The following DOK7 variants were observed in gnomAD, a reference collection of about 807,000 sequenced individuals.
DOK7 encodes the protein docking protein 7, also known as protein Dok-7.
In DOK7, 32 loss-of-function variants were observed where a neutral mutation model predicts 30.7. The observed-to-expected ratio is 1.04, with a 90% CI of 0.79 to 1.40. DOK7 has a LOEUF of 1.40. Among genes scored for constraint, DOK7 ranks in the 40% most tolerant of loss-of-function variants. The pLI is 0.00. For missense variants in DOK7, 1,007 were observed against 699.2 expected (o/e 1.44, Z -4.97); for synonymous variants, 447 against 324.1 (o/e 1.38, Z -4.07).
In DOK7 at chr4:3,479,932, G is replaced by T. The variant is rs1341127480; in HGVS notation, c.532+3390G>T. Among the ~76,000 whole-genome samples the T allele has an allele frequency of 3.3e-5, 5 of 152,370 alleles. No homozygotes were observed. In the East Asian group the frequency reaches 9.6e-4, roughly 29 times the overall value. On this transcript the variant is annotated intron_variant, in intron 4 of 6. Coordinates refer to ENST00000340083, the MANE Select transcript of DOK7 (RefSeq NM_173660.5). Reference sequence around the variant, plus strand: ...CGCACTTGGCACATGGCAGGCGACGGTCTGTGGACAGCTCAGGTCTGCAGG... The same window carrying T: ...CGCACTTGGCACATGGCAGGCGACGTTCTGTGGACAGCTCAGGTCTGCAGG...
At position 3,485,557 on chromosome 4, in the gene DOK7, T is replaced by C. The variant is rs1727718542; in HGVS notation, c.551T>C (p.Leu184Pro). 6.2e-7 allele frequency: 1 copy of C among 1,604,292 alleles called. No individual in the cohort carries two copies. Among genetic ancestry groups the C allele is most frequent in the East Asian group, 2.3e-5 (1 of 44,088 alleles). The change falls in exon 5 of 7, where the codon CTG (leucine) becomes CCG (proline). Residue 184 changes from leucine to proline, a missense_variant. Physicochemically the swap from Leu to Pro is moderately conservative, Grantham distance 98. Coordinates refer to ENST00000340083, the MANE Select transcript of DOK7 (RefSeq NM_173660.5). ...TCTGCAGGGGCTGGCGTCTTCTTCC[T>C]GTCCTCGGCCGAGGGGGAGCAGATC... ...RCGYWAGVFFLSSAEGEQISF... is the reference protein window; with the variant it reads ...RCGYWAGVFFPSSAEGEQISF...
At chr4:3,472,425 C>T (rs1726810931) in intron 2 of DOK7, among the ~76,000 whole-genome samples, 1 of 152,240 alleles carries the variant, frequency 6.6e-6, no homozygotes, top group African/African-American at 2.4e-5. Context: ...GTCCCAAAAC[C>T]TACACCCTCG....
Position 3,493,962 on chromosome 4 carries a change from G to T in DOK7, c.*461G>T. 1.0e-6 allele frequency: 1 copy of T among 998,492 alleles called. No individual in the cohort carries two copies. The highest frequency in any genetic ancestry group is 1.2e-6 in the Non-Finnish European group (1 of 839,718). The allele number at this position is 998,492 out of a possible 1,614,324, so 61.9% of individuals were successfully genotyped here. A position where few individuals can be genotyped will look rare whatever the true frequency, so the allele number is the denominator to read the frequency against. On this transcript the variant is annotated 3_prime_UTR_variant, in exon 7 of 7. Transcript: ENST00000340083. The stretch of plus-strand genomic sequence containing the variant: ...CTGTTAAGCATCAAGCTACCACAGA[G>T]GCTCCGGCCACCTGGGCTCCACCAG...
At chr4:3,480,983 G>C (rs1727410069) in intron 4 of DOK7, among the ~76,000 whole-genome samples, 1 of 152,156 alleles carries the variant, frequency 6.6e-6, no homozygotes, top group Non-Finnish European at 1.5e-5. Flanking sequence ...GGGTGAATAG[G>C]AGTTAGCTCA....
chr4:3,495,947 C>A (rs1161473829), downstream of DOK7, among the ~76,000 whole-genome samples: 1 of 152,196 alleles, frequency 6.6e-6, no homozygotes, highest in African/African-American at 2.4e-5. Flanking sequence ...TGACTGTCTG[C>A]CCTTGAGTCT....
At chr4:3,485,374 G>A (rs953815480) in intron 4 of DOK7, 165 bp from the exon 5 acceptor site, 28 of 947,282 alleles carry the variant, frequency 3.0e-5, no homozygotes, top group Non-Finnish European at 3.8e-5. Flanking sequence ...CCGGATTCAC[G>A]GGGCCAGGCG....
chr4:3,495,857 G>A (rs548017434), downstream of DOK7, among the ~76,000 whole-genome samples: 1 of 152,274 alleles, frequency 6.6e-6, no homozygotes, highest in East Asian at 1.9e-4. Flanking sequence ...CTCAGGGGGT[G>A]TCGGCCTGTT....
At chr4:3,468,759 T>TGA (rs1553845411) in intron 2 of DOK7, among the ~76,000 whole-genome samples, 1,508 of 145,430 alleles carry the variant, frequency 0.01, 23 homozygotes, top group African/African-American at 0.035. Flanking sequence ...TCTGTGTGCG[T>TGA]GTGTGTGTGC....
At chr4:3,479,554 G>T (rs529424108) in intron 4 of DOK7, among the ~76,000 whole-genome samples, 2 of 152,334 alleles carry the variant, frequency 1.3e-5, no homozygotes, top group Non-Finnish European at 2.9e-5. Context: ...CTTCCCCAGG[G>T]ACAGGTCCTA....
At chr4:3,473,724 G>A (rs544150053) in intron 3 of DOK7, 88 bp downstream of exon 3, 15 of 1,269,930 alleles carry the variant, frequency 1.2e-5, no homozygotes, top group South Asian at 4.4e-5. Flanking sequence ...AGGTGGGAGC[G>A]GCTCCAGGGA....
chr4:3,488,076 C>T (rs1286483265), intron 5 of DOK7, among the ~76,000 whole-genome samples: 2 of 152,254 alleles, frequency 1.3e-5, no homozygotes, highest in South Asian at 2.1e-4. Flanking sequence ...TGGCTGCCAT[C>T]GCCTTCCACC....
At chr4:3,470,193 G>T (rs62275885) in intron 2 of DOK7, among the ~76,000 whole-genome samples, 1 of 152,168 alleles carries the variant, frequency 6.6e-6, no homozygotes. Context: ...CCCTGCCTCC[G>T]TCCCCATTCA....
In DOK7 at chr4:3,468,907, GTGTGTGTA is replaced by G. The variant is rs1246147170; in HGVS notation, c.101-4488_101-4481del. Among the ~76,000 whole-genome samples, 8 of 107,788 alleles carry G rather than the reference GTGTGTGTA, an allele frequency of 7.4e-5. No individual in the cohort carries two copies. The South Asian group carries it at 1.4e-3, about 18-fold the overall frequency. The allele number at this position is 107,788 out of a possible 152,430, so 70.7% of individuals were successfully genotyped here. A position where few individuals can be genotyped will look rare whatever the true frequency, so the allele number is the denominator to read the frequency against. ...TGTGCCTGTGTATGTGTGCATGTCT[GTGTGTGTA>G]TGTGTGTATGAGTGTGCGTGCTTTT... On this transcript the variant is annotated intron_variant, in intron 2 of 6. Coordinates refer to ENST00000340083, the MANE Select transcript of DOK7 (RefSeq NM_173660.5).
intron 2 of DOK7, among the ~76,000 whole-genome samples, chr4:3,464,350 T>C (rs1180258604): frequency 2.0e-5 from 3 of 152,186 alleles, no homozygotes; most frequent in Non-Finnish European, 4.4e-5. Context: ...GCGTCCCCTC[T>C]GCAGGGCCTC....
chr4:3,495,216 G>A (rs1361224695), downstream of DOK7, among the ~76,000 whole-genome samples: 2 of 152,232 alleles, frequency 1.3e-5, no homozygotes, highest in African/African-American at 2.4e-5. Context: ...ATAGCTGCCC[G>A]TCACCATTAC....
intron 2 of DOK7, among the ~76,000 whole-genome samples, chr4:3,471,974 G>A (rs576385722): frequency 1.3e-5 from 2 of 152,314 alleles, no homozygotes; most frequent in Admixed American, 6.5e-5. Flanking sequence ...ATGCAGCTGC[G>A]CCCAAGGGTC....
At chr4:3,468,789 CATGT>C (rs973966591) in intron 2 of DOK7, among the ~76,000 whole-genome samples, 14 of 129,064 alleles carry the variant, frequency 1.1e-4, no homozygotes, top group Non-Finnish European at 1.3e-4. Context: ...TGCCTGTGAT[CATGT>C]ATGTCTGTGT....
At chr4:3,495,551 G>C (rs140431046), downstream of DOK7, among the ~76,000 whole-genome samples, 2 of 152,230 alleles carry the variant, frequency 1.3e-5, no homozygotes, top group African/African-American at 4.8e-5. Flanking sequence ...GCCTCGCTCC[G>C]GGCGTCTGAA....
At chr4:3,489,498 T>G (rs953709994) in intron 5 of DOK7, among the ~76,000 whole-genome samples, 179 bp from the exon 6 acceptor site, 4 of 151,958 alleles carry the variant, frequency 2.6e-5, no homozygotes, top group Non-Finnish European at 5.9e-5. Context: ...ATAGGGGTGG[T>G]GTGGGTGTCT....
Sources: allele counts gnomAD v4.1 joint callset (sites outside exome capture counted in the v4.1 genomes callset), GRCh38; gene constraint gnomAD v4.1.1; transcripts MANE v1.5; gene names NCBI Gene and HGNC (gene_info 2026-07-23, HGNC 2026-07-21).